Variants in TNFRSF8 observed in about 807,000 individuals in gnomAD.
TNFRSF8 encodes the protein tumor necrosis factor receptor superfamily member 8.
In TNFRSF8, 26 loss-of-function variants were observed where a neutral mutation model predicts 70.8. The ratio of observed to expected loss-of-function variants is 0.37; its 90% CI spans 0.27 to 0.51. The LOEUF (loss-of-function observed/expected upper bound fraction) is 0.51, where lower values mean the gene tolerates loss of function less well. Ranked by LOEUF, TNFRSF8 falls within the 20% of genes least tolerant of loss-of-function variation. The pLI is 0.94. For synonymous variants in TNFRSF8, 356 were observed against 339.2 expected (o/e 1.05, Z -0.54); for missense variants, 720 against 807.9 (o/e 0.89, Z 1.32).
chr1:12,108,372 C>G lies in TNFRSF8; in HGVS notation c.422-1194C>G, dbSNP rs1641566069. Among the ~76,000 whole-genome samples the G allele has an allele frequency of 6.6e-6, 1 of 152,162 alleles. No individual in the cohort carries two copies. Among genetic ancestry groups the G allele is most frequent in the African/African-American group, 2.4e-5 (1 of 41,448 alleles). On this transcript the variant is annotated intron_variant, in intron 4 of 14. Coordinates refer to ENST00000263932, the MANE Select transcript of TNFRSF8 (RefSeq NM_001243.5). This position sits in a 1 kb window ranked among gnomAD's most constrained non-coding sequence, Gnocchi z 4.0. The stretch of plus-strand genomic sequence containing the variant: ...GGATTACAGGTGTGAGCCACCGTGC[C>G]TGGCGACATACGGGTCACCTTCTAA...
rs1021914453 is a variant in TNFRSF8 at position 12,110,565 on chromosome 1, G to A, written c.676+361G>A. Among the ~76,000 whole-genome samples, 1 of 152,138 alleles carries A rather than the reference G, an allele frequency of 6.6e-6. No homozygotes were observed. Among genetic ancestry groups the A allele is most frequent in the Non-Finnish European group, 1.5e-5 (1 of 68,020 alleles). On this transcript the variant is annotated intron_variant, in intron 6 of 14. Transcript: ENST00000263932. The surrounding 1 kb of genome is among the most constrained non-coding windows in gnomAD (Gnocchi z 4.0). Reference sequence around the variant, plus strand: ...CACGTGTCCATCTGATGCCCTCCTGGTCTCCATGGCGAAGGGTCGACCCTC... The same window carrying A: ...CACGTGTCCATCTGATGCCCTCCTGATCTCCATGGCGAAGGGTCGACCCTC...
At chr1:12,103,326 ACCTGGGTGACAGAGTGAGAC>A (rs1434872366) in intron 3 of TNFRSF8, among the ~76,000 whole-genome samples, 2 of 152,034 alleles carry the variant, frequency 1.3e-5, no homozygotes, top group Admixed American at 6.6e-5. Context: ...TTGCACTCCA[ACCTGGGTGACAGAGTGAGAC>A]TCTGTCTTAA....
At chr1:12,095,348 C>T (rs1405616246) in intron 2 of TNFRSF8, among the ~76,000 whole-genome samples, 1 of 150,944 alleles carries the variant, frequency 6.6e-6, no homozygotes, top group Non-Finnish European at 1.5e-5. Context: ...AGTGCAATGG[C>T]ACGATCTCGG....
intron 3 of TNFRSF8, among the ~76,000 whole-genome samples, chr1:12,104,177 TC>T (rs1280450929): frequency 6.6e-6 from 1 of 152,202 alleles, no homozygotes; most frequent in Non-Finnish European, 1.5e-5. Context: ...TTCCTCCATG[TC>T]TTTTTTTTAT....
intron 12 of TNFRSF8, among the ~76,000 whole-genome samples, chr1:12,127,100 C>G (rs1302818073): frequency 6.6e-6 from 1 of 152,224 alleles, no homozygotes; most frequent in African/African-American, 2.4e-5. Flanking sequence ...TCTTCTAGCT[C>G]TCACCTGGGG....
chr1:12,072,482 C>T (rs1017164768), intron 1 of TNFRSF8, among the ~76,000 whole-genome samples: 1 of 152,142 alleles, frequency 6.6e-6, no homozygotes, highest in Non-Finnish European at 1.5e-5. Flanking sequence ...TGAGGCTCTG[C>T]ACCACAGATG....
At chr1:12,105,559 ACTCT>A (rs945964493) in intron 4 of TNFRSF8, among the ~76,000 whole-genome samples, 1 of 115,092 alleles carries the variant, frequency 8.7e-6, no homozygotes, top group African/African-American at 3.1e-5. Flanking sequence ...TCACTCACTC[ACTCT>A]CTCTCTGTCT....
Position 12,114,996 on chromosome 1 carries a change from C to T in TNFRSF8, c.794-581C>T, listed in dbSNP as rs539354911. ...TGCCGGGATTACAGTCGTGAGCCAC[C>T]GTGTCTGGCCAAAAAATCTTTTTAT... On this transcript the variant is annotated intron_variant, in intron 7 of 14. Transcript: ENST00000263932. Among the ~76,000 whole-genome samples, 8 of 152,028 alleles carry T rather than the reference C, an allele frequency of 5.3e-5. No individual in the cohort carries two copies. In the East Asian group the frequency reaches 7.7e-4, roughly 15 times the overall value.
rs1379945924 is a variant in TNFRSF8 at position 12,111,901 on chromosome 1, T to C, written c.680T>C (p.Leu227Pro). ...SVGRPSSDPGLSPTQPCPEGS... is the reference protein window; with the variant it reads ...SVGRPSSDPGPSPTQPCPEGS... Reference sequence around the variant, plus strand: ...GCTTCTCTGCTTCTTTCCCCAGGTCTGTCCCCAACACAGCCATGCCCAGAG... The same window carrying C: ...GCTTCTCTGCTTCTTTCCCCAGGTCCGTCCCCAACACAGCCATGCCCAGAG... The change falls in exon 7 of 15, where the codon CTG becomes CCG. Residue 227 changes from leucine to proline, a missense_variant. Physicochemically the swap from Leu to Pro is moderately conservative, Grantham distance 98. Transcript: ENST00000263932. The C allele has an allele frequency of 6.2e-7, 1 of 1,613,974 alleles. No homozygotes were observed. The highest frequency in any genetic ancestry group is 1.3e-5 in the African/African-American group (1 of 74,936).
At chr1:12,072,078 T>C (rs1170602542) in intron 1 of TNFRSF8, among the ~76,000 whole-genome samples, 1 of 152,182 alleles carries the variant, frequency 6.6e-6, no homozygotes, top group African/African-American at 2.4e-5. Context: ...GATGGTGACT[T>C]GAGCAAGTTA....
At chr1:12,084,046 T>C (rs898565561) in intron 1 of TNFRSF8, among the ~76,000 whole-genome samples, 3 of 152,178 alleles carry the variant, frequency 2.0e-5, no homozygotes, top group Admixed American at 2.0e-4. Context: ...TAACTTGAGA[T>C]CTGTGCACTT....
chr1:12,136,602 T>C (rs954252019), intron 13 of TNFRSF8, among the ~76,000 whole-genome samples: 3 of 148,962 alleles, frequency 2.0e-5, no homozygotes, highest in African/African-American at 7.5e-5. Flanking sequence ...GGAGCCGAGA[T>C]TGCACCACTG....
At chr1:12,095,744 C>A (rs1258826148) in intron 2 of TNFRSF8, among the ~76,000 whole-genome samples, 1 of 152,170 alleles carries the variant, frequency 6.6e-6, no homozygotes, top group Admixed American at 6.5e-5. Context: ...ATATTGGGAA[C>A]CCCCTGGTCT....
chr1:12,134,880 G>C (rs1281753139), intron 12 of TNFRSF8, among the ~76,000 whole-genome samples: 1 of 152,156 alleles, frequency 6.6e-6, no homozygotes, highest in Non-Finnish European at 1.5e-5. Flanking sequence ...GGTGGGCGCA[G>C]CAGCCACAGA....
rs1642261810 is a variant in TNFRSF8, at chr1:12,141,999, C to G, written c.1544-288C>G. On this transcript the variant is annotated intron_variant, in intron 14 of 14. Coordinates refer to ENST00000263932, the MANE Select transcript of TNFRSF8 (RefSeq NM_001243.5). This position sits in a 1 kb window ranked among gnomAD's most constrained non-coding sequence, Gnocchi z 5.4. The stretch of plus-strand genomic sequence containing the variant: ...TTTGCCTGTTTTTGTCCACAGTTTG[C>G]TTTCTGTCCCACCCTGTCCTCTTCT... Among the ~76,000 whole-genome samples the G allele has an allele frequency of 6.6e-6, 1 of 152,166 alleles. No homozygotes were observed. Among genetic ancestry groups the G allele is most frequent in the Non-Finnish European group, 1.5e-5 (1 of 68,012 alleles).
At chr1:12,125,304 G>A (rs1027532007) in intron 10 of TNFRSF8, among the ~76,000 whole-genome samples, 1 of 152,232 alleles carries the variant, frequency 6.6e-6, no homozygotes, top group Admixed American at 6.5e-5. Context: ...GCGTGGCCCT[G>A]CAGTCCCCCC....
chr1:12,067,500 T>C (rs1285253624), intron 1 of TNFRSF8, among the ~76,000 whole-genome samples: 4 of 151,964 alleles, frequency 2.6e-5, no homozygotes, highest in Non-Finnish European at 5.9e-5. Context: ...ACCAGCCTGG[T>C]CAACGTGGTG....
At chr1:12,074,031 G>A (rs1488258902) in intron 1 of TNFRSF8, among the ~76,000 whole-genome samples, 2 of 152,044 alleles carry the variant, frequency 1.3e-5, no homozygotes, top group Non-Finnish European at 2.9e-5. Flanking sequence ...TTCGGCCCTG[G>A]AATCTTCAGG....
At position 12,097,134 on chromosome 1, in the gene TNFRSF8, C is replaced by T. The variant is rs754876099; in HGVS notation, c.185C>T (p.Pro62Leu). 3 of 1,614,100 alleles carry T rather than the reference C, an allele frequency of 1.9e-6. No homozygotes were observed. The highest frequency in any genetic ancestry group is 1.7e-6 in the Non-Finnish European group (2 of 1,179,990). The change falls in exon 3 of 15, where the codon CCT (proline) becomes CTT (leucine). Residue 62 changes from proline to leucine, a missense_variant. Transcript: ENST00000263932. The part of the protein sequence containing the change: ...LFPTQQCPQR[P>L]TDCRKQCEPD... The stretch of plus-strand genomic sequence containing the variant: ...CCGACACAGCAGTGCCCACAGAGGC[C>T]TACTGACTGCAGGAAGCAGTGTGAG...
Sources: gnomAD v4.1 joint callset for allele counts (sites outside exome capture counted in the v4.1 genomes callset) on GRCh38, gnomAD v4.1.1 for gene constraint, Gnocchi (gnomAD v3.1) non-coding constraint, MANE v1.5 for transcripts, NCBI Gene and HGNC (gene_info 2026-07-23, HGNC 2026-07-21) for gene names.